Variants in FHIT observed in about 807,000 individuals in gnomAD.
FHIT encodes fragile histidine triad diadenosine triphosphatase, also known as bis(5'-adenosyl)-triphosphatase.
In FHIT, 19 loss-of-function variants were observed where a neutral mutation model predicts 17.9. The observed-to-expected ratio is 1.06, with a 90% CI of 0.74 to 1.56. The LOEUF (loss-of-function observed/expected upper bound fraction) is 1.56. Ranked by LOEUF, FHIT falls within the 40% of genes most tolerant of loss-of-function variation. FHIT has a pLI of 0.00. For synonymous variants in FHIT, 81 were observed against 69.7 expected (o/e 1.16, Z -0.81); for missense variants, 248 against 189.2 (o/e 1.31, Z -1.82).
Position 61,199,124 on chromosome 3 carries a change from C to A in FHIT, c.-164+1493G>T, listed in dbSNP as rs925908622. 9.2e-5 allele frequency among the ~76,000 whole-genome samples: 14 copies of A among 152,204 alleles called. No individual in the cohort carries two copies. The East Asian group carries it at 2.5e-3, about 27-fold the overall frequency. On this transcript the variant is annotated intron_variant, in intron 2 of 9. Transcript: ENST00000492590. ...GGTGAATAAGTTGTCCGCAGTCCAA[C>A]AGCTAGTAAAAGCCAAATCATGACT...
chr3:60,926,618 T>C (rs1390632582), intron 3 of FHIT, among the ~76,000 whole-genome samples: 3 of 152,178 alleles, frequency 2.0e-5, no homozygotes, highest in South Asian at 4.1e-4. Flanking sequence ...AGATCTAAAA[T>C]TGACACTCTA....
At chr3:60,918,373 A>G (rs1553767537) in intron 3 of FHIT, among the ~76,000 whole-genome samples, 1 of 152,268 alleles carries the variant, frequency 6.6e-6, no homozygotes, top group East Asian at 1.9e-4. Flanking sequence ...TTATTAGATA[A>G]GAAATTCCAG....
intron 3 of FHIT, among the ~76,000 whole-genome samples, chr3:60,955,608 A>ATATATGTATATATGTATATG: frequency 1.0e-4 from 1 of 9,672 alleles, no homozygotes; most frequent in Non-Finnish European, 3.3e-4. Context: ...ATATATATAT[A>ATATATGTATATATGTATATG]TATATATATA....
At chr3:60,055,610 T>A (rs748369397) in intron 5 of FHIT, among the ~76,000 whole-genome samples, 1 of 152,174 alleles carries the variant, frequency 6.6e-6, no homozygotes, top group Non-Finnish European at 1.5e-5. Flanking sequence ...CAACATTTTC[T>A]AGGCACTGGC....
chr3:60,178,565 G>A (rs754222481), intron 5 of FHIT, among the ~76,000 whole-genome samples: 5 of 152,002 alleles, frequency 3.3e-5, no homozygotes, highest in South Asian at 2.1e-4. Context: ...CAGCCTGGAC[G>A]ACACAGCAAG....
At chr3:60,586,925 T>C (rs1205750604) in intron 4 of FHIT, among the ~76,000 whole-genome samples, 1 of 151,986 alleles carries the variant, frequency 6.6e-6, no homozygotes, top group African/African-American at 2.4e-5. Flanking sequence ...TGAAATAAAC[T>C]GTACAATAAA....
rs541221448 is a variant in FHIT, at chr3:60,796,834, G to A, written c.-18+25085C>T. ...TGACCTCTGGTGATCTGCCCACCTC[G>A]GCCTCCCAGAGTATCAAAGAGTTTT... On this transcript the variant is annotated intron_variant, in intron 4 of 9. Coordinates refer to ENST00000492590, the MANE Select transcript of FHIT (RefSeq NM_002012.4). 3.2e-4 allele frequency among the ~76,000 whole-genome samples: 49 copies of A among 152,218 alleles called. 1 individual carries two copies. Among genetic ancestry groups the A allele is most frequent in the African/African-American group, 1.0e-3 (43 of 41,540 alleles).
At chr3:60,083,630 G>A (rs541867247) in intron 5 of FHIT, among the ~76,000 whole-genome samples, 1 of 152,186 alleles carries the variant, frequency 6.6e-6, no homozygotes, top group African/African-American at 2.4e-5. Flanking sequence ...CAAGAAGACA[G>A]AGATAGACTG....
At chr3:60,999,232 G>C (rs892786170) in intron 3 of FHIT, among the ~76,000 whole-genome samples, 1 of 151,854 alleles carries the variant, frequency 6.6e-6, no homozygotes, top group Non-Finnish European at 1.5e-5. Context: ...TAGCATGCAG[G>C]GTCTAAATAT....
chr3:61,073,445 C>T (rs1435415145), intron 2 of FHIT, among the ~76,000 whole-genome samples: 2 of 152,154 alleles, frequency 1.3e-5, no homozygotes, highest in Non-Finnish European at 1.5e-5. Context: ...TATTCTTCTG[C>T]GTCTGATCCT....
chr3:59,994,965 T>A (rs1295648576), intron 7 of FHIT, among the ~76,000 whole-genome samples: 1 of 152,016 alleles, frequency 6.6e-6, no homozygotes, highest in Non-Finnish European at 1.5e-5. Flanking sequence ...TGGGTCAGTA[T>A]AAGAAGGTGG....
intron 4 of FHIT, among the ~76,000 whole-genome samples, chr3:60,599,165 A>G (rs187460799): frequency 6.6e-6 from 1 of 152,308 alleles, no homozygotes; most frequent in Admixed American, 6.5e-5. Context: ...TCGATCTTAC[A>G]GAAGGGAGAG....
chr3:60,159,139 G>C (rs1700831882), intron 5 of FHIT, among the ~76,000 whole-genome samples: 1 of 152,048 alleles, frequency 6.6e-6, no homozygotes, highest in African/African-American at 2.4e-5. Flanking sequence ...GAGGGGGTTT[G>C]AAAGAGGGTC....
chr3:59,936,901 G>A lies in FHIT; in HGVS notation c.280-14487C>T, dbSNP rs567730836. On this transcript the variant is annotated intron_variant, in intron 7 of 9. Transcript: ENST00000492590. ...TGGAGAGGTCAGCCATGAAGGACAA[G>A]CTTGTGCTAATTCTCTTTCCAGTGC... is the stretch of plus-strand genomic sequence containing the variant. Among the ~76,000 whole-genome samples, 9 of 152,296 alleles carry A rather than the reference G, an allele frequency of 5.9e-5. No homozygotes were observed. The South Asian group carries it at 1.7e-3, about 28-fold the overall frequency.
intron 3 of FHIT, among the ~76,000 whole-genome samples, chr3:60,839,929 T>G (rs1553744625): frequency 6.6e-6 from 1 of 152,106 alleles, no homozygotes; most frequent in East Asian, 1.9e-4. Flanking sequence ...CGTCTTTATT[T>G]CCTTTACAGT....
At chr3:60,404,653 C>T (rs151073215) in intron 5 of FHIT, among the ~76,000 whole-genome samples, 1 of 152,260 alleles carries the variant, frequency 6.6e-6, no homozygotes, top group East Asian at 1.9e-4. Context: ...ACTAGGACCA[C>T]ACCTGTCTTT....
At chr3:61,095,208 T>C (rs1057054811) in intron 2 of FHIT, among the ~76,000 whole-genome samples, 1 of 152,216 alleles carries the variant, frequency 6.6e-6, no homozygotes, top group African/African-American at 2.4e-5. Context: ...GAGACATGCC[T>C]TGTATAATAA....
At chr3:60,066,383 T>G (rs1211188988) in intron 5 of FHIT, among the ~76,000 whole-genome samples, 1 of 152,102 alleles carries the variant, frequency 6.6e-6, no homozygotes, top group Non-Finnish European at 1.5e-5. Context: ...GAAAGTGAGT[T>G]GATTTTTACT....
intron 2 of FHIT, among the ~76,000 whole-genome samples, chr3:61,198,812 C>A (rs2038927938): frequency 6.6e-6 from 1 of 151,978 alleles, no homozygotes; most frequent in African/African-American, 2.4e-5. Flanking sequence ...GAAATATTAT[C>A]CTGAAGCTTC....
Sources: allele counts gnomAD v4.1 joint callset (sites outside exome capture counted in the v4.1 genomes callset), GRCh38; gene constraint gnomAD v4.1.1; transcripts MANE v1.5; gene names NCBI Gene and HGNC (gene_info 2026-07-23, HGNC 2026-07-21).